STX18: variants seen among roughly 807,000 people sequenced by gnomAD.
STX18 encodes syntaxin 18.
A neutral mutation model predicts 50.1 loss-of-function variants in STX18; 40 were observed. That is an observed-to-expected ratio of 0.80 (90% CI 0.62 to 1.04). The LOEUF is 1.04. Ranked by LOEUF, STX18 falls within the 50% of genes least tolerant of loss-of-function variation. STX18 has a pLI of 0.00. For synonymous variants in STX18, 158 were observed against 151.8 expected, an observed-to-expected ratio of 1.04 and a Z score of -0.30; for missense variants, 410 against 415.8, an observed-to-expected ratio of 0.99 and a Z score of 0.12.
At chr4:4,500,429 A>T (rs566298767) in intron 1 of STX18, among the ~76,000 whole-genome samples, 31 of 152,234 alleles carry the variant, frequency 2.0e-4, no homozygotes, top group Non-Finnish European at 4.4e-4. Flanking sequence ...AACTATTTAC[A>T]TAGTACATAC....
chr4:4,513,819 T>C (rs1730116350), intron 1 of STX18, among the ~76,000 whole-genome samples: 1 of 152,206 alleles, frequency 6.6e-6, no homozygotes, highest in African/African-American at 2.4e-5. Context: ...CAGTTGACTG[T>C]GATGAGACAA....
At chr4:4,501,070 A>G (rs777326282) in intron 1 of STX18, among the ~76,000 whole-genome samples, 2 of 152,214 alleles carry the variant, frequency 1.3e-5, no homozygotes, top group Non-Finnish European at 2.9e-5. Flanking sequence ...AAAATTTACC[A>G]TAATGTAACA....
chr4:4,542,024 G>A lies in STX18; in HGVS notation c.-60C>T, dbSNP rs901407467. On this transcript the variant is annotated 5_prime_UTR_variant, in exon 1 of 11. Coordinates refer to ENST00000306200, the MANE Select transcript of STX18 (RefSeq NM_016930.4). ...CCCACGTAAGCAGCCGGCGACCGCG[G>A]CGCGAACCCGGCCGCTGAAGGACTG... 1.4e-6 allele frequency: 2 copies of A among 1,478,138 alleles called. No individual in the cohort carries two copies. Among genetic ancestry groups the A allele is most frequent in the South Asian group, 1.4e-5 (1 of 73,504 alleles). 91.6% of individuals were successfully genotyped at this position (1,478,138 alleles called of 1,614,324 possible).
At chr4:4,505,555 G>A (rs1171217308) in intron 1 of STX18, among the ~76,000 whole-genome samples, 3 of 152,028 alleles carry the variant, frequency 2.0e-5, no homozygotes, top group Non-Finnish European at 1.5e-5. Flanking sequence ...CGAGGCAGGC[G>A]GATCACTTGA....
intron 2 of STX18, among the ~76,000 whole-genome samples, chr4:4,468,134 C>T (rs1322487061): frequency 6.6e-6 from 1 of 152,226 alleles, no homozygotes; most frequent in Non-Finnish European, 1.5e-5. Context: ...ATTCCTTTTT[C>T]TCTTTTCTCC....
intron 9 of STX18, among the ~76,000 whole-genome samples, chr4:4,421,339 A>G (rs1336467217): frequency 6.7e-6 from 1 of 149,058 alleles, no homozygotes; most frequent in African/African-American, 2.5e-5. Context: ...TTTTTTTTTG[A>G]GACAGGGCTT....
At chr4:4,463,255 CCCT>C (rs1415552814) in intron 2 of STX18, among the ~76,000 whole-genome samples, 1 of 152,160 alleles carries the variant, frequency 6.6e-6, no homozygotes, top group Non-Finnish European at 1.5e-5. Flanking sequence ...ATAAAAACAG[CCCT>C]AGACAATATG....
chr4:4,458,635 T>C (rs979195026), intron 3 of STX18, among the ~76,000 whole-genome samples: 10 of 152,218 alleles, frequency 6.6e-5, no homozygotes, highest in Non-Finnish European at 1.2e-4. Context: ...AGCCATCTCA[T>C]TGTCTCAGTG....
intron 7 of STX18, among the ~76,000 whole-genome samples, chr4:4,433,389 A>G (rs1400104466): frequency 2.0e-5 from 3 of 152,172 alleles, no homozygotes; most frequent in Non-Finnish European, 4.4e-5. Flanking sequence ...TCCCCTGCGG[A>G]AGGCCGCAGG....
At chr4:4,423,933 A>C (rs952165931) in intron 8 of STX18, 1 of 334,178 alleles carries the variant, frequency 3.0e-6, no homozygotes, top group Non-Finnish European at 5.6e-6. Flanking sequence ...TACAGAAAGC[A>C]GTCTCCAGTA....
intron 9 of STX18, among the ~76,000 whole-genome samples, chr4:4,421,382 C>T (rs1399864504): frequency 6.6e-6 from 1 of 151,940 alleles, no homozygotes; most frequent in Non-Finnish European, 1.5e-5. Context: ...TCCCAAGTAG[C>T]TGGGAGTATA....
At chr4:4,460,206 G>A (rs1727305798) in intron 2 of STX18, among the ~76,000 whole-genome samples, 1 of 152,162 alleles carries the variant, frequency 6.6e-6, no homozygotes, top group African/African-American at 2.4e-5. Flanking sequence ...AAGGACTTCT[G>A]TTTGTTCACT....
chr4:4,495,300 A>C (rs1345425166), intron 1 of STX18, among the ~76,000 whole-genome samples: 1 of 152,188 alleles, frequency 6.6e-6, no homozygotes, highest in Non-Finnish European at 1.5e-5. Context: ...GATTTCTGTA[A>C]GCCAACAATG....
At chr4:4,473,529 G>T (rs904620849) in intron 1 of STX18, among the ~76,000 whole-genome samples, 1 of 152,018 alleles carries the variant, frequency 6.6e-6, no homozygotes, top group African/African-American at 2.4e-5. Context: ...TCCGGACCTC[G>T]CGATCCGCCC....
At chr4:4,482,616 T>G (rs1553844488) in intron 1 of STX18, among the ~76,000 whole-genome samples, 2 of 152,228 alleles carry the variant, frequency 1.3e-5, no homozygotes, top group Non-Finnish European at 2.9e-5. Context: ...TTCCTGCACT[T>G]CCTGCAACCA....
intron 1 of STX18, among the ~76,000 whole-genome samples, chr4:4,495,607 C>T (rs1577374201): frequency 7.0e-6 from 1 of 142,900 alleles, no homozygotes; most frequent in Admixed American, 7.1e-5. Flanking sequence ...TGCTATGTTG[C>T]CCATGCTGGT....
At chr4:4,525,635 T>C (rs986985403) in intron 1 of STX18, among the ~76,000 whole-genome samples, 1 of 152,196 alleles carries the variant, frequency 6.6e-6, no homozygotes, top group Non-Finnish European at 1.5e-5. Context: ...AGAGCCACTG[T>C]GCTAAATACA....
At chr4:4,468,817 T>C (rs1172100039) in intron 2 of STX18, among the ~76,000 whole-genome samples, 3 of 152,188 alleles carry the variant, frequency 2.0e-5, no homozygotes, top group South Asian at 4.1e-4. Context: ...ACAAAGAGAC[T>C]TGTAGAAGAT....
intron 1 of STX18, among the ~76,000 whole-genome samples, chr4:4,536,877 C>T (rs181649728): frequency 1.1e-3 from 160 of 152,336 alleles, no homozygotes; most frequent in Non-Finnish European, 1.9e-3. Flanking sequence ...ATCATTATTA[C>T]CTTATTTAGA....
Sources: gnomAD v4.1 joint callset for allele counts (sites outside exome capture counted in the v4.1 genomes callset) on GRCh38, gnomAD v4.1.1 for gene constraint, MANE v1.5 for transcripts, NCBI Gene and HGNC (gene_info 2026-07-23, HGNC 2026-07-21) for gene names.